Variants in ARMC8 observed in about 807,000 individuals in gnomAD.
ARMC8 encodes armadillo repeat containing 8, also known as armadillo repeat-containing protein 8.
ARMC8 carries 20 observed loss-of-function variants against 99.3 expected under a neutral mutation model. The ratio of observed to expected loss-of-function variants is 0.20; its 90% CI spans 0.14 to 0.29. The LOEUF (loss-of-function observed/expected upper bound fraction) is 0.29. Among genes scored for constraint, ARMC8 ranks in the 10% least tolerant of loss-of-function variants. The pLI is 1.00. For missense variants in ARMC8, 569 were observed against 809.5 expected (o/e 0.70, Z 3.60); for synonymous variants, 263 against 278.3 (o/e 0.95, Z 0.55).
Position 138,295,880 on chromosome 3 carries a change from G to C in ARMC8, c.2010G>C (p.Gln670His), listed in dbSNP as rs1223130953. 1.2e-6 allele frequency: 2 copies of C among 1,613,568 alleles called. No individual in the cohort carries two copies. The highest frequency in any genetic ancestry group is 1.7e-6 in the Non-Finnish European group (2 of 1,179,776). The change falls in exon 22 of 22, where the codon CAG becomes CAC. Residue 670 changes from glutamine to histidine, a missense_variant. Gln to His is a conservative substitution (Grantham distance 24). Transcript: ENST00000469044. ...TCAGGGCAAAGATGGCACTGCAGCA[G>C]TACCTGGCATGATGGGAGTGCCCCT... ...LCDKAKMALQ[Q>H]YLA
In ARMC8 at chr3:138,290,786, C is replaced by T. The variant is rs146288361; in HGVS notation, c.1988+147C>T. ...TCATAATTTTCTATGAGCCACTGTA[C>T]GACATTTGAGTGAGCTGTAAACTAA... On this transcript the variant is annotated intron_variant, in intron 21 of 21. Coordinates refer to ENST00000469044, the MANE Select transcript of ARMC8 (RefSeq NM_001363941.2). 1.8e-3 allele frequency: 1,145 copies of T among 624,512 alleles called. 3 individuals are homozygous for T. Among genetic ancestry groups the T allele is most frequent in the South Asian group, 5.4e-3 (264 of 49,292 alleles). The allele number at this position is 624,512 out of a possible 1,614,324, so 38.7% of individuals were successfully genotyped here.
intron 16 of ARMC8, 106 bp downstream of exon 16, chr3:138,270,238 A>G (rs371311837): frequency 8.9e-6 from 8 of 895,896 alleles, no homozygotes; most frequent in South Asian, 5.5e-5. Flanking sequence ...TTCTTTTTCA[A>G]AAATCTGGCT....
chr3:138,281,232 G>A (rs1243988647), intron 18 of ARMC8, among the ~76,000 whole-genome samples: 2 of 151,674 alleles, frequency 1.3e-5, no homozygotes, highest in Non-Finnish European at 2.9e-5. Context: ...GTGTGTGTGT[G>A]TGTAGTTTTT....
At chr3:138,242,380 T>C (rs2046668797) in intron 11 of ARMC8, among the ~76,000 whole-genome samples, 1 of 152,158 alleles carries the variant, frequency 6.6e-6, no homozygotes, top group South Asian at 2.1e-4. Flanking sequence ...CCCATGTTAC[T>C]TTCCACCACA....
At chr3:138,231,393 G>C (rs905164940) in intron 6 of ARMC8, among the ~76,000 whole-genome samples, 1 of 152,034 alleles carries the variant, frequency 6.6e-6, no homozygotes, top group Non-Finnish European at 1.5e-5. Flanking sequence ...AATTTGCTTT[G>C]ACTGGTATCA....
At chr3:138,270,219 T>C in intron 16 of ARMC8, 87 bp downstream of exon 16, 1 of 1,060,524 alleles carries the variant, frequency 9.4e-7, no homozygotes, top group Admixed American at 2.4e-5. Flanking sequence ...ATTTGAAATG[T>C]CTGGAATTTT....
chr3:138,196,589 C>G (rs997392946), intron 1 of ARMC8, among the ~76,000 whole-genome samples: 4 of 152,104 alleles, frequency 2.6e-5, no homozygotes, highest in African/African-American at 9.7e-5. Flanking sequence ...GTAGCAAAAG[C>G]CAGGCACGGT....
chr3:138,192,097 T>C (rs953969285), intron 1 of ARMC8, among the ~76,000 whole-genome samples: 1 of 152,204 alleles, frequency 6.6e-6, no homozygotes, highest in Non-Finnish European at 1.5e-5. Flanking sequence ...TGTACTATTT[T>C]ACATTTCTAC....
intron 12 of ARMC8, among the ~76,000 whole-genome samples, chr3:138,253,679 T>C (rs1403232037): frequency 6.6e-6 from 1 of 152,186 alleles, no homozygotes; most frequent in Non-Finnish European, 1.5e-5. Flanking sequence ...ACTAAGTGGG[T>C]AATGAGATGC....
At chr3:138,215,075 G>T (rs972715151) in intron 2 of ARMC8, among the ~76,000 whole-genome samples, 1 of 152,164 alleles carries the variant, frequency 6.6e-6, no homozygotes, top group African/African-American at 2.4e-5. Flanking sequence ...CAGAGAATTC[G>T]ATAGGATTAT....
intron 12 of ARMC8, among the ~76,000 whole-genome samples, chr3:138,252,444 C>G (rs924020147): frequency 6.7e-6 from 1 of 150,344 alleles, no homozygotes; most frequent in African/African-American, 2.5e-5. Flanking sequence ...CATAGCTAAC[C>G]ATAAACTCTT....
At chr3:138,216,671 T>C (rs559789449) in intron 2 of ARMC8, among the ~76,000 whole-genome samples, 10 of 152,330 alleles carry the variant, frequency 6.6e-5, no homozygotes, top group African/African-American at 2.4e-4. Flanking sequence ...CCCACAGATA[T>C]GTGTTTTTTT....
At chr3:138,252,394 G>T (rs2047158339) in intron 12 of ARMC8, among the ~76,000 whole-genome samples, 1 of 151,518 alleles carries the variant, frequency 6.6e-6, no homozygotes, top group Non-Finnish European at 1.5e-5. Flanking sequence ...TTACTGCTTG[G>T]CCCTTACAGA....
intron 12 of ARMC8, among the ~76,000 whole-genome samples, chr3:138,259,644 T>C (rs148406668): frequency 2.0e-3 from 299 of 152,302 alleles, no homozygotes; most frequent in African/African-American, 6.8e-3. Flanking sequence ...ATAGACATTC[T>C]GTTAGACTAT....
chr3:138,243,285 A>AGTTTTACGATG (rs2046717037), intron 11 of ARMC8, among the ~76,000 whole-genome samples: 1 of 152,142 alleles, frequency 6.6e-6, no homozygotes, highest in East Asian at 1.9e-4. Context: ...AACAACAATA[A>AGTTTTACGATG]TCCTTAAAAA....
At chr3:138,261,930 G>A (rs983180591) in intron 12 of ARMC8, 3 of 152,242 alleles carry the variant, frequency 2.0e-5, no homozygotes, top group African/African-American at 4.8e-5. Context: ...GCATGAGGGA[G>A]GCAGAAGAAT....
intron 1 of ARMC8, among the ~76,000 whole-genome samples, chr3:138,200,664 G>C (rs1377911254): frequency 6.6e-6 from 1 of 151,924 alleles, no homozygotes. Context: ...ACTGCTGAGA[G>C]CATGGGGCTT....
chr3:138,227,652 C>T (rs942412639), intron 5 of ARMC8, among the ~76,000 whole-genome samples: 1 of 152,164 alleles, frequency 6.6e-6, no homozygotes, highest in Non-Finnish European at 1.5e-5. Context: ...AGGAAAATCC[C>T]AAATCTTATT....
At chr3:138,291,713 C>A (rs2050970736) in intron 21 of ARMC8, among the ~76,000 whole-genome samples, 1 of 152,128 alleles carries the variant, frequency 6.6e-6, no homozygotes, top group African/African-American at 2.4e-5. Flanking sequence ...TGATCAGAGA[C>A]CTGAATGAAA....
Sources: allele counts gnomAD v4.1 joint callset (sites outside exome capture counted in the v4.1 genomes callset), GRCh38; gene constraint gnomAD v4.1.1; transcripts MANE v1.5; gene names NCBI Gene and HGNC (gene_info 2026-07-23, HGNC 2026-07-21).